DDX6: variants seen among roughly 807,000 people sequenced by gnomAD.
DDX6 encodes the protein DEAD-box helicase 6.
In DDX6, 7 loss-of-function variants were observed where a neutral mutation model predicts 60.6. The ratio of observed to expected loss-of-function variants is 0.12; its 90% confidence interval spans 0.07 to 0.22. The LOEUF (loss-of-function observed/expected upper bound fraction) is 0.22, where lower values mean the gene tolerates loss of function less well. Ranked by LOEUF, DDX6 falls within the 10% of genes least tolerant of loss-of-function variation. The pLI, the probability that DDX6 is intolerant of heterozygous loss-of-function variation, is 1.00. For missense variants in DDX6, 270 were observed against 589.9 expected (o/e 0.46, Z 5.62); for synonymous variants, 207 against 201.0 (o/e 1.03, Z -0.25).
At chr11:118,758,207 T>C (rs1555159401) in intron 9 of DDX6, among the ~76,000 whole-genome samples, 1 of 152,116 alleles carries the variant, frequency 6.6e-6, no homozygotes, top group Admixed American at 6.6e-5. Context: ...ACTAAGCAAA[T>C]TCACAAATAC....
intron 13 of DDX6, 137 bp from the exon 14 acceptor site, chr11:118,752,234 T>G (rs573408569): frequency 6.5e-6 from 1 of 154,522 alleles, no homozygotes; most frequent in African/African-American, 2.4e-5. Flanking sequence ...AATCTACTGG[T>G]TATAGGATTA....
chr11:118,777,096 A>G (rs1353777099), intron 4 of DDX6, among the ~76,000 whole-genome samples: 4 of 152,004 alleles, frequency 2.6e-5, no homozygotes, highest in African/African-American at 9.7e-5. Context: ...TACATACGCA[A>G]TTCCAACTAG....
intron 8 of DDX6, chr11:118,759,142 C>T (rs1861080037): frequency 5.4e-6 from 2 of 373,192 alleles, no homozygotes; most frequent in Admixed American, 4.2e-5. Context: ...TCCCTGCAAC[C>T]TCCACCTCCC....
At chr11:118,784,013 G>A (rs1399471359) in intron 2 of DDX6, among the ~76,000 whole-genome samples, 5 of 149,550 alleles carry the variant, frequency 3.3e-5, no homozygotes, top group Non-Finnish European at 7.4e-5. Context: ...ACTTGAGCCT[G>A]GGAAGTTGAG....
intron 4 of DDX6, among the ~76,000 whole-genome samples, chr11:118,772,426 T>C (rs1179959144): frequency 2.0e-5 from 3 of 152,190 alleles, no homozygotes; most frequent in Non-Finnish European, 4.4e-5. Context: ...TAGGATTCTA[T>C]TTATATGACA....
intron 9 of DDX6, among the ~76,000 whole-genome samples, chr11:118,758,081 T>C (rs1861039320): frequency 6.6e-6 from 1 of 152,188 alleles, no homozygotes; most frequent in South Asian, 2.1e-4. Context: ...TTCTTCGACC[T>C]CAGCTGGGAA....
intron 6 of DDX6, 147 bp from the exon 7 acceptor site, chr11:118,763,453 A>T: frequency 1.5e-6 from 1 of 648,510 alleles, no homozygotes. Flanking sequence ...TCCATTGTAT[A>T]GCTCCATTAT....
chr11:118,753,249 T>C (rs1555157881), intron 13 of DDX6, among the ~76,000 whole-genome samples: 3 of 151,976 alleles, frequency 2.0e-5, no homozygotes, highest in Non-Finnish European at 4.4e-5. Context: ...AGGCTGGTCT[T>C]GAAGTCCTGA....
At chr11:118,758,387 TCCCAAGACGGAGTC>T (rs1555159444) in intron 9 of DDX6, among the ~76,000 whole-genome samples, 14 of 152,112 alleles carry the variant, frequency 9.2e-5, no homozygotes, top group South Asian at 6.2e-4. Context: ...TTTTTTTTCT[TCCCAAGACGGAGTC>T]TTGCTCTGTC....
intron 4 of DDX6, among the ~76,000 whole-genome samples, chr11:118,769,636 C>A (rs191655542): frequency 6.6e-6 from 1 of 151,728 alleles, no homozygotes; most frequent in Non-Finnish European, 1.5e-5. Flanking sequence ...CAAACAACAA[C>A]AACAAACTAT....
At chr11:118,780,370 T>G (rs1555164449) in intron 3 of DDX6, among the ~76,000 whole-genome samples, 2 of 152,134 alleles carry the variant, frequency 1.3e-5, no homozygotes, top group Non-Finnish European at 2.9e-5. Context: ...CAGGCTGCAG[T>G]GCAGTGGCGT....
At chr11:118,764,831 C>CACACACACACACACA (rs1861298072) in intron 6 of DDX6, among the ~76,000 whole-genome samples, 1 of 150,124 alleles carries the variant, frequency 6.7e-6, no homozygotes, top group Non-Finnish European at 1.5e-5. Context: ...TACACACACA[C>CACACACACACACACA]ACACACATTA....
In DDX6 at chr11:118,756,285, G is replaced by A. The variant is rs1555158923; in HGVS notation, c.1149C>T (p.Gly383=). 5.0e-6 allele frequency: 8 copies of A among 1,613,432 alleles called. 1 individual carries two copies. The South Asian group carries it at 6.6e-5, about 13-fold the overall frequency. Residue 383 remains glycine, a synonymous_variant, in exon 11 of 14, where the codon GGC becomes GGT. Coordinates refer to ENST00000534980, the MANE Select transcript of DDX6 (RefSeq NM_004397.6). ...RNRVFHDFRN[G]LCRNLVCTDL... ...CAGTGCAAACAAGATTGCGGCATAA[G>A]CCATTTCGGAAATCATGAAATACAC...
At chr11:118,790,617 TCC>T (rs1380998542) in intron 1 of DDX6, among the ~76,000 whole-genome samples, 1 of 151,842 alleles carries the variant, frequency 6.6e-6, no homozygotes, top group East Asian at 1.9e-4. Context: ...GGCCTCATAT[TCC>T]CTCATCTTCG....
Position 118,775,209 on chromosome 11 carries a change from G to A in DDX6, c.369+4423C>T, listed in dbSNP as rs541469085. Among the ~76,000 whole-genome samples, 8 of 152,242 alleles carry A rather than the reference G, an allele frequency of 5.3e-5. No individual in the cohort carries two copies. In the East Asian group the frequency reaches 1.5e-3, roughly 29 times the overall value. ...GCCCGCCTGTAATCCCAAGTCACTT[G>A]GGAGGCCGAGGCACGAGAATCGCTT... On this transcript the variant is annotated intron_variant, in intron 4 of 13. Transcript: ENST00000534980.
chr11:118,763,838 T>TAAAAAAAAAAAAAA (rs58341763), intron 6 of DDX6, among the ~76,000 whole-genome samples: 1 of 134,374 alleles, frequency 7.4e-6, no homozygotes, highest in Non-Finnish European at 1.6e-5. Context: ...TGTCTCAAAT[T>TAAAAAAAAAAAAAA]AAAAAAAAAA....
At chr11:118,781,069 C>T in intron 3 of DDX6, 52 bp downstream of exon 3, 1 of 1,270,904 alleles carries the variant, frequency 7.9e-7, no homozygotes, top group South Asian at 1.3e-5. Context: ...ACAGCTATAC[C>T]TCACTTCTAG....
In DDX6 at chr11:118,764,904, AC is replaced by A. The variant is rs781797556; in HGVS notation, c.646+304del. On this transcript the variant is annotated intron_variant, in intron 6 of 13. Coordinates refer to ENST00000534980, the MANE Select transcript of DDX6 (RefSeq NM_004397.6). ...GCCCATGATAGAGATGTAAGTTTAC[AC>A]CCCCACATTTACAATGTAGCCTATT... Among the ~76,000 whole-genome samples, 157 of 152,018 alleles carry A rather than the reference AC, an allele frequency of 1.0e-3. 1 individual carries two copies. The highest frequency in any genetic ancestry group is 2.9e-4 in the Non-Finnish European group (20 of 68,018).
chr11:118,765,451 T>C (rs1199892582), intron 5 of DDX6, 96 bp from the exon 6 acceptor site: 23 of 1,299,076 alleles, frequency 1.8e-5, no homozygotes, highest in Middle Eastern at 2.2e-4. Flanking sequence ...GCTATAGAAA[T>C]ACTGCGCCTT....
Sources: gnomAD v4.1 joint callset for allele counts (sites outside exome capture counted in the v4.1 genomes callset) on GRCh38, gnomAD v4.1.1 for gene constraint, MANE v1.5 for transcripts, NCBI Gene and HGNC (gene_info 2026-07-23, HGNC 2026-07-21) for gene names.